TMTC2: variants seen among roughly 807,000 people sequenced by gnomAD.
The protein encoded by TMTC2 is protein O-mannosyl-transferase TMTC2.
In TMTC2, 43 loss-of-function variants were observed where a neutral mutation model predicts 82.4. The ratio of observed to expected loss-of-function variants is 0.52; its 90% CI spans 0.41 to 0.67. The LOEUF (loss-of-function observed/expected upper bound fraction) is 0.67. TMTC2 is among the 30% of genes least tolerant of loss of function. The probability of loss-of-function intolerance (pLI) is 0.00; values close to 1 mark genes in which losing one functional copy is unlikely to be tolerated. For synonymous variants in TMTC2, 408 were observed against 381.9 expected (o/e 1.07, Z -0.80); for missense variants, 919 against 1,012.4 (o/e 0.91, Z 1.25).
intron 7 of TMTC2, among the ~76,000 whole-genome samples, chr12:82,978,805 T>C (rs1878794510): frequency 6.6e-6 from 1 of 151,838 alleles, no homozygotes; most frequent in Non-Finnish European, 1.5e-5. Flanking sequence ...CAGCTATTAT[T>C]GTATTGGGGT....
intron 1 of TMTC2, among the ~76,000 whole-genome samples, chr12:82,788,032 G>A (rs898504259): frequency 3.3e-5 from 5 of 151,940 alleles, no homozygotes; most frequent in African/African-American, 4.8e-5. Context: ...ACGTGGTTAC[G>A]TGGTTTCCAA....
rs567433218 is a variant in TMTC2 at position 83,055,629 on chromosome 12, A to G, written c.2267+4611A>G. ...GCTGGAGAGTACATGAAGATACTTG[A>G]TATCTGAGAGGAAATATAGAGGGAC... On this transcript the variant is annotated intron_variant, in intron 10 of 11. Coordinates refer to ENST00000321196, the MANE Select transcript of TMTC2 (RefSeq NM_152588.3). Among the ~76,000 whole-genome samples the G allele has an allele frequency of 3.9e-5, 6 of 152,046 alleles. No homozygotes were observed. In the South Asian group the frequency reaches 1.2e-3, roughly 31 times the overall value.
chr12:83,134,377 G>GATGACT lies in TMTC2; in HGVS notation c.*1989_*1994dup. The stretch of plus-strand genomic sequence containing the variant: ...TTTATTTAAATAGTTATTGACCTAT[G>GATGACT]ATGACTTTCTAGTCTTAACATTTTA... On this transcript the variant is annotated 3_prime_UTR_variant, in exon 12 of 12. Transcript: ENST00000321196. 6.6e-6 allele frequency: 1 copy of GATGACT among 151,780 alleles called. No homozygotes were observed. Among genetic ancestry groups the GATGACT allele is most frequent in the South Asian group, 2.1e-4 (1 of 4,796 alleles). 9.4% of individuals were successfully genotyped at this position (151,780 alleles called of 1,614,324 possible).
chr12:82,781,168 A>T (rs1229408761), intron 1 of TMTC2, among the ~76,000 whole-genome samples: 4 of 152,112 alleles, frequency 2.6e-5, no homozygotes, highest in Non-Finnish European at 5.9e-5. Context: ...CAACAAACAA[A>T]ATAGGACACG....
At chr12:83,031,075 T>C (rs1163769454) in intron 9 of TMTC2, among the ~76,000 whole-genome samples, 196 bp downstream of exon 9, 1 of 152,198 alleles carries the variant, frequency 6.6e-6, no homozygotes, top group Non-Finnish European at 1.5e-5. Context: ...TTTCCTTTAG[T>C]AATTTTAATA....
intron 11 of TMTC2, among the ~76,000 whole-genome samples, chr12:83,070,282 G>T (rs1592727782): frequency 6.6e-6 from 1 of 152,012 alleles, no homozygotes; most frequent in East Asian, 1.9e-4. Context: ...TTGGCAGTAT[G>T]GTCATTTTCA....
At chr12:82,823,638 A>G (rs1592551485) in intron 1 of TMTC2, among the ~76,000 whole-genome samples, 2 of 152,240 alleles carry the variant, frequency 1.3e-5, no homozygotes, top group Admixed American at 6.5e-5. Flanking sequence ...GGGAATATAA[A>G]ATTAATTTAG....
intron 1 of TMTC2, among the ~76,000 whole-genome samples, chr12:82,728,501 A>C (rs968950345): frequency 1.3e-5 from 2 of 152,104 alleles, no homozygotes; most frequent in Non-Finnish European, 2.9e-5. Flanking sequence ...TGGGCAGATC[A>C]CCTGAGGTCA....
At chr12:83,031,741 T>C (rs1188504413) in intron 9 of TMTC2, among the ~76,000 whole-genome samples, 1 of 152,138 alleles carries the variant, frequency 6.6e-6, no homozygotes, top group Non-Finnish European at 1.5e-5. Context: ...TCTCCCAGTT[T>C]CCAGCTAATA....
At position 82,920,376 on chromosome 12, in the gene TMTC2, A is replaced by T. The variant is rs143081795; in HGVS notation, c.1484-10055A>T. 3.0e-3 allele frequency among the ~76,000 whole-genome samples: 464 copies of T among 152,296 alleles called. 5 individuals are homozygous for T. The highest frequency in any genetic ancestry group is 0.011 in the African/African-American group (438 of 41,570). ...AATTTAGAGGTATTTATTGTAGCAG[A>T]TCACAGCATTTCTAGAGGGACCTCA... is the stretch of plus-strand genomic sequence containing the variant. On this transcript the variant is annotated intron_variant, in intron 3 of 11. Transcript: ENST00000321196.
At chr12:83,102,792 C>G (rs1001554248) in intron 11 of TMTC2, among the ~76,000 whole-genome samples, 1 of 152,138 alleles carries the variant, frequency 6.6e-6, no homozygotes, top group Non-Finnish European at 1.5e-5. Flanking sequence ...TTTTTACTCC[C>G]AGTAACTTAG....
At chr12:82,962,137 A>AT (rs1197084923) in intron 4 of TMTC2, among the ~76,000 whole-genome samples, 40 of 151,932 alleles carry the variant, frequency 2.6e-4, no homozygotes, top group Non-Finnish European at 2.5e-4. Flanking sequence ...ACTATTTATC[A>AT]TTTTTTTCTT....
intron 2 of TMTC2, among the ~76,000 whole-genome samples, chr12:82,865,224 T>C (rs1369904716): frequency 6.6e-6 from 1 of 151,888 alleles, no homozygotes; most frequent in Non-Finnish European, 1.5e-5. Context: ...AAGACTCCGA[T>C]AAAGAGTCAA....
intron 8 of TMTC2, among the ~76,000 whole-genome samples, chr12:82,995,354 G>A (rs201632094): frequency 2.2e-5 from 3 of 139,518 alleles, no homozygotes; most frequent in African/African-American, 5.2e-5. Flanking sequence ...ACACACACAC[G>A]CACATAAACG....
chr12:82,763,034 A>T (rs1371650870), intron 1 of TMTC2, among the ~76,000 whole-genome samples: 1 of 152,228 alleles, frequency 6.6e-6, no homozygotes, highest in East Asian at 1.9e-4. Context: ...TAAAGATGTG[A>T]CAATATTTTG....
chr12:83,128,994 A>G (rs1383392518), intron 11 of TMTC2, among the ~76,000 whole-genome samples: 6 of 152,168 alleles, frequency 3.9e-5, no homozygotes, highest in Admixed American at 6.5e-5. Context: ...TAGGGCGATG[A>G]TACTTATTAC....
intron 1 of TMTC2, among the ~76,000 whole-genome samples, chr12:82,703,900 A>G (rs987494803): frequency 1.1e-4 from 17 of 152,250 alleles, no homozygotes; most frequent in African/African-American, 3.9e-4. Flanking sequence ...TCAACTGTCT[A>G]TAGAAGTAGC....
At chr12:83,004,161 G>A (rs1880048052) in intron 8 of TMTC2, among the ~76,000 whole-genome samples, 1 of 152,090 alleles carries the variant, frequency 6.6e-6, no homozygotes, top group Non-Finnish European at 1.5e-5. Flanking sequence ...CTGTTGTGTT[G>A]TTAATGCCTC....
intron 1 of TMTC2, among the ~76,000 whole-genome samples, chr12:82,820,962 G>A (rs1254097200): frequency 6.6e-6 from 1 of 151,992 alleles, no homozygotes; most frequent in Non-Finnish European, 1.5e-5. Context: ...AGGCTCAAGC[G>A]ATCTTCCTGC....
Sources: allele counts gnomAD v4.1 joint callset (sites outside exome capture counted in the v4.1 genomes callset), GRCh38; gene constraint gnomAD v4.1.1; transcripts MANE v1.5; gene names NCBI Gene and HGNC (gene_info 2026-07-23, HGNC 2026-07-21).